LAMA2: variants seen among roughly 807,000 people sequenced by gnomAD.
LAMA2 encodes the protein laminin subunit alpha-2.
A neutral mutation model predicts 364.8 loss-of-function variants in LAMA2; 269 were observed. The observed-to-expected ratio is 0.74, with a 90% CI of 0.67 to 0.82. The LOEUF is 0.82. LAMA2 is among the 40% of genes least tolerant of loss of function. The probability of loss-of-function intolerance (pLI) is 0.00; values close to 1 mark genes in which losing one functional copy is unlikely to be tolerated. For missense variants in LAMA2, 3,807 were observed against 3,873.2 expected (o/e 0.98, Z 0.45); for synonymous variants, 1,379 against 1,370.6 (o/e 1.01, Z -0.14).
intron 1 of LAMA2, among the ~76,000 whole-genome samples, chr6:128,928,009 A>G (rs911146859): frequency 2.0e-5 from 3 of 152,232 alleles, no homozygotes; most frequent in Non-Finnish European, 2.9e-5. Context: ...GCTACACTGG[A>G]AAGCCTCTCT....
chr6:129,511,411 G>A (rs1786564066), intron 62 of LAMA2, among the ~76,000 whole-genome samples: 1 of 151,962 alleles, frequency 6.6e-6, no homozygotes, highest in Admixed American at 6.6e-5. Context: ...TTTCCAGAAG[G>A]GGTGTCACTA....
intron 28 of LAMA2, among the ~76,000 whole-genome samples, chr6:129,322,679 G>A (rs1230361211): frequency 6.6e-6 from 1 of 152,122 alleles, no homozygotes; most frequent in Non-Finnish European, 1.5e-5. Flanking sequence ...TGAAGAGAAG[G>A]TTATTACAGC....
chr6:129,024,565 T>A (rs1279570071), intron 1 of LAMA2, among the ~76,000 whole-genome samples: 1 of 151,960 alleles, frequency 6.6e-6, no homozygotes, highest in Non-Finnish European at 1.5e-5. Flanking sequence ...ATTTTATTTT[T>A]TTGTATTTTT....
At chr6:129,006,098 G>A (rs1029852525) in intron 1 of LAMA2, among the ~76,000 whole-genome samples, 1 of 151,832 alleles carries the variant, frequency 6.6e-6, no homozygotes, top group African/African-American at 2.4e-5. Context: ...TCACTGTTTG[G>A]CAGTTTATCA....
At chr6:129,172,841 C>G (rs549874369) in intron 9 of LAMA2, among the ~76,000 whole-genome samples, 12 of 152,254 alleles carry the variant, frequency 7.9e-5, no homozygotes, top group Admixed American at 2.6e-4. Flanking sequence ...GGGCGTAGGA[C>G]CCTCCAAGCC....
intron 1 of LAMA2, among the ~76,000 whole-genome samples, chr6:129,019,118 C>G (rs1785257425): frequency 6.6e-6 from 1 of 152,068 alleles, no homozygotes; most frequent in African/African-American, 2.4e-5. Flanking sequence ...CCACACCTTC[C>G]TCTTTCTTGG....
intron 29 of LAMA2, among the ~76,000 whole-genome samples, chr6:129,335,356 G>GTAGATAGATAGA (rs35228622): frequency 1.8e-3 from 269 of 148,480 alleles, no homozygotes; most frequent in African/African-American, 2.4e-3. Flanking sequence ...TAGTAAGTAG[G>GTAGATAGATAGA]TAGATAGATA....
chr6:129,471,612 G>C (rs1045516389), intron 51 of LAMA2, among the ~76,000 whole-genome samples: 2 of 151,822 alleles, frequency 1.3e-5, no homozygotes, highest in African/African-American at 4.8e-5. Context: ...AGATAAAAAG[G>C]AATGTATATG....
At chr6:129,229,759 A>G (rs1404206625) in intron 12 of LAMA2, among the ~76,000 whole-genome samples, 1 of 152,168 alleles carries the variant, frequency 6.6e-6, no homozygotes, top group Non-Finnish European at 1.5e-5. Flanking sequence ...TTGGCTGTGG[A>G]ACATGAAAGA....
intron 19 of LAMA2, among the ~76,000 whole-genome samples, chr6:129,289,733 C>T (rs1034848946): frequency 4.6e-5 from 7 of 151,672 alleles, no homozygotes; most frequent in African/African-American, 1.7e-4. Context: ...ATTATGGGAT[C>T]CATGGCATGA....
At position 129,303,244 on chromosome 6, in the gene LAMA2, C is replaced by A. The variant is rs1773659631; in HGVS notation, c.3174+2372C>A. On this transcript the variant is annotated intron_variant, in intron 22 of 64. Coordinates refer to ENST00000421865, the MANE Select transcript of LAMA2 (RefSeq NM_000426.4). ...TGTGTTCCATTTCAGTTTTAAATTGCTTGTTACTAGAATAGAAAAATACAA... is the reference window on the plus strand; with the variant it reads ...TGTGTTCCATTTCAGTTTTAAATTGATTGTTACTAGAATAGAAAAATACAA... Among the ~76,000 whole-genome samples the A allele has an allele frequency of 2.6e-5, 4 of 151,994 alleles. No individual in the cohort carries two copies. In the South Asian group the frequency reaches 8.3e-4, roughly 31 times the overall value.
At chr6:129,177,654 T>A (rs1583195900) in intron 9 of LAMA2, 52 bp from the exon 10 acceptor site, 1 of 1,584,214 alleles carries the variant, frequency 6.3e-7, no homozygotes. Context: ...CTTTAACAAC[T>A]AAATTATGTA....
At chr6:129,407,192 A>G (rs1343956328) in intron 40 of LAMA2, among the ~76,000 whole-genome samples, 2 of 152,134 alleles carry the variant, frequency 1.3e-5, no homozygotes, top group Non-Finnish European at 2.9e-5. Context: ...TCCTTTGGCA[A>G]CACCCTCACA....
chr6:129,108,904 C>T (rs1047799447), intron 4 of LAMA2, among the ~76,000 whole-genome samples: 2 of 152,168 alleles, frequency 1.3e-5, no homozygotes, highest in East Asian at 1.9e-4. Flanking sequence ...TTCCTCAAAA[C>T]GCATACCTGA....
At chr6:129,125,308 T>C (rs577643772) in intron 4 of LAMA2, among the ~76,000 whole-genome samples, 1 of 152,316 alleles carries the variant, frequency 6.6e-6, no homozygotes, top group East Asian at 1.9e-4. Context: ...ATAGATAGTG[T>C]ATAGTATTCT....
chr6:129,468,232 C>T (rs1240999376), intron 51 of LAMA2, among the ~76,000 whole-genome samples: 1 of 151,720 alleles, frequency 6.6e-6, no homozygotes, highest in Non-Finnish European at 1.5e-5. Context: ...AAATTAAGCC[C>T]TATGAGGTTT....
At chr6:128,958,668 C>A (rs1399720498) in intron 1 of LAMA2, among the ~76,000 whole-genome samples, 1 of 152,124 alleles carries the variant, frequency 6.6e-6, no homozygotes, top group Non-Finnish European at 1.5e-5. Flanking sequence ...CCTCAGCAAG[C>A]TCTAGGTTGT....
chr6:129,149,455 T>G (rs894139366), intron 7 of LAMA2, among the ~76,000 whole-genome samples: 1 of 152,136 alleles, frequency 6.6e-6, no homozygotes, highest in South Asian at 2.1e-4. Flanking sequence ...ATATTAATAT[T>G]ACAGTAAATC....
chr6:129,247,528 C>T (rs932249572), intron 12 of LAMA2, among the ~76,000 whole-genome samples: 5 of 152,096 alleles, frequency 3.3e-5, no homozygotes, highest in Non-Finnish European at 7.4e-5. Flanking sequence ...AAACGCATAC[C>T]TTTAGGGTAA....
Sources: allele counts gnomAD v4.1 joint callset (sites outside exome capture counted in the v4.1 genomes callset), GRCh38; gene constraint gnomAD v4.1.1; transcripts MANE v1.5; gene names NCBI Gene and HGNC (gene_info 2026-07-23, HGNC 2026-07-21).